The following HSD17B12 variants were observed in gnomAD, a reference collection of about 807,000 sequenced individuals.
HSD17B12 encodes very-long-chain 3-oxoacyl-CoA reductase.
Under a neutral mutation model 39.3 loss-of-function variants are expected in HSD17B12, and 32 were observed. The ratio of observed to expected loss-of-function variants is 0.81; its 90% confidence interval spans 0.61 to 1.09. HSD17B12 has a LOEUF of 1.09. Among genes scored for constraint, HSD17B12 ranks in the 50% least tolerant of loss-of-function variants. The pLI is 0.00. For synonymous variants in HSD17B12, 150 were observed against 146.7 expected (o/e 1.02, Z -0.16); for missense variants, 342 against 382.9 (o/e 0.89, Z 0.89).
At chr11:43,640,096 G>T in the HSD17B12 span, among the ~76,000 whole-genome samples, 1 of 152,062 alleles carries the variant, frequency 6.6e-6, no homozygotes, top group Non-Finnish European at 1.5e-5. Flanking sequence ...AAATGCTGGG[G>T]AGAAGAATGT....
At chr11:43,673,743 G>A in the HSD17B12 span, among the ~76,000 whole-genome samples, 124 of 151,854 alleles carry the variant, frequency 8.2e-4, no homozygotes, top group Admixed American at 1.4e-3. Flanking sequence ...GGCTGATTTC[G>A]AACTCCTGAG....
rs568752188 is a variant in HSD17B12, at chr11:43,740,227, G to A, written c.161-10684G>A. On this transcript the variant is annotated intron_variant, in intron 1 of 10. Coordinates refer to ENST00000278353, the MANE Select transcript of HSD17B12 (RefSeq NM_016142.3). Reference sequence around the variant, plus strand: ...TAGCATGAATTGAGTGAGGAGGGATGAAAGATTCCTCGTACAAGTCCTTGT... The same window carrying A: ...TAGCATGAATTGAGTGAGGAGGGATAAAAGATTCCTCGTACAAGTCCTTGT... 5.3e-5 allele frequency among the ~76,000 whole-genome samples: 8 copies of A among 152,294 alleles called. No homozygotes were observed. The South Asian group carries it at 1.7e-3, about 32-fold the overall frequency.
intron 1 of HSD17B12, among the ~76,000 whole-genome samples, chr11:43,746,921 A>G (rs531201420): frequency 1.3e-5 from 2 of 152,324 alleles, no homozygotes; most frequent in South Asian, 4.1e-4. Flanking sequence ...AAACATTGTT[A>G]TGCAGCTGCT....
intron 9 of HSD17B12, 152 bp from the exon 10 acceptor site, chr11:43,854,563 G>C (rs1951563086): frequency 2.8e-6 from 2 of 725,382 alleles, no homozygotes; most frequent in Non-Finnish European, 4.6e-6. Flanking sequence ...GTTCTATCAA[G>C]TTGGCTTTAG....
intron 1 of HSD17B12, among the ~76,000 whole-genome samples, chr11:43,730,343 A>G (rs1195134108): frequency 1.3e-5 from 2 of 152,190 alleles, no homozygotes; most frequent in African/African-American, 4.8e-5. Context: ...ATTTATCTGG[A>G]AGTGAATTTC....
At chr11:43,706,500 A>G (rs1950016299) in intron 1 of HSD17B12, among the ~76,000 whole-genome samples, 6 of 152,200 alleles carry the variant, frequency 3.9e-5, no homozygotes, top group Admixed American at 3.9e-4. Context: ...CCAAGATCAC[A>G]TCACTGCACT....
chr11:43,716,603 CTA>C (rs572187541), intron 1 of HSD17B12, among the ~76,000 whole-genome samples: 76 of 151,678 alleles, frequency 5.0e-4, no homozygotes, highest in Admixed American at 1.4e-3. Flanking sequence ...ATGTAGATTT[CTA>C]TGTTAGGAAT....
intron 3 of HSD17B12, 37 bp from the exon 4 acceptor site, chr11:43,798,283 C>A: frequency 8.0e-7 from 1 of 1,246,516 alleles, no homozygotes; most frequent in Non-Finnish European, 1.2e-6. Context: ...TACTAATTTT[C>A]CCTGTCTCTC....
chr11:43,706,724 T>TGTGGG (rs1204580097), intron 1 of HSD17B12, among the ~76,000 whole-genome samples: 1 of 80,304 alleles, frequency 1.2e-5, no homozygotes, highest in Admixed American at 1.1e-4. Context: ...GTGTGTGTTG[T>TGTGGG]GGGGGGTGGG....
At position 43,791,253 on chromosome 11, in the gene HSD17B12, C is replaced by T. The variant is rs540949843; in HGVS notation, c.284-7067C>T. Among the ~76,000 whole-genome samples, 3 of 152,090 alleles carry T rather than the reference C, an allele frequency of 2.0e-5. No individual in the cohort carries two copies. The South Asian group carries it at 6.2e-4, about 32-fold the overall frequency. On this transcript the variant is annotated intron_variant, in intron 3 of 10. Coordinates refer to ENST00000278353, the MANE Select transcript of HSD17B12 (RefSeq NM_016142.3). ...TAATCTTAAGAATGATGTTTTGGGC[C>T]GGGAGCAGTGGCTCATGCCTGTAAT... is the stretch of plus-strand genomic sequence containing the variant.
At chr11:43,756,694 C>T (rs191431051) in intron 3 of HSD17B12, among the ~76,000 whole-genome samples, 13 of 152,218 alleles carry the variant, frequency 8.5e-5, no homozygotes, top group South Asian at 2.1e-4. Flanking sequence ...ATGAATCTAC[C>T]GTCTACTCGA....
chr11:43,682,532 C>T (rs1228675579), intron 1 of HSD17B12, among the ~76,000 whole-genome samples: 3 of 114,128 alleles, frequency 2.6e-5, no homozygotes, highest in South Asian at 3.1e-4. Flanking sequence ...GGTGACAGAG[C>T]GAGACTCATC....
At chr11:43,791,531 C>CAAA (rs1255094996) in intron 3 of HSD17B12, among the ~76,000 whole-genome samples, 1 of 131,606 alleles carries the variant, frequency 7.6e-6, no homozygotes, top group African/African-American at 2.8e-5. Context: ...GACTCTGTCT[C>CAAA]AAAAAAAAAA....
At chr11:43,729,774 T>C (rs528680305) in intron 1 of HSD17B12, among the ~76,000 whole-genome samples, 1 of 152,322 alleles carries the variant, frequency 6.6e-6, no homozygotes, top group African/African-American at 2.4e-5. Flanking sequence ...CTTCAAATGA[T>C]AAACAGAAAG....
At chr11:43,744,069 G>A (rs944351047) in intron 1 of HSD17B12, among the ~76,000 whole-genome samples, 2 of 152,054 alleles carry the variant, frequency 1.3e-5, no homozygotes, top group African/African-American at 4.8e-5. Context: ...TAGATGGTTT[G>A]GAAGATAAAG....
intron 1 of HSD17B12, among the ~76,000 whole-genome samples, chr11:43,741,593 T>C (rs1442372845): frequency 6.6e-6 from 1 of 152,148 alleles, no homozygotes; most frequent in East Asian, 1.9e-4. Flanking sequence ...TGTTATACTT[T>C]GGTTTACCTT....
chr11:43,620,148 C>G, the HSD17B12 span, among the ~76,000 whole-genome samples: 1 of 152,216 alleles, frequency 6.6e-6, no homozygotes, highest in African/African-American at 2.4e-5. Context: ...AAGAGCAGGC[C>G]TCTCAATGTC....
At chr11:43,803,730 A>G (rs1817113526) in intron 4 of HSD17B12, among the ~76,000 whole-genome samples, 1 of 152,214 alleles carries the variant, frequency 6.6e-6, no homozygotes, top group African/African-American at 2.4e-5. Flanking sequence ...CCATAACTTG[A>G]TGAGACTATA....
chr11:43,758,711 G>C (rs1950532282), intron 3 of HSD17B12, among the ~76,000 whole-genome samples: 1 of 152,134 alleles, frequency 6.6e-6, no homozygotes, highest in Non-Finnish European at 1.5e-5. Context: ...TTCAGAAGAA[G>C]CCACAGCTTA....
Sources: gnomAD v4.1 joint callset for allele counts (sites outside exome capture counted in the v4.1 genomes callset) on GRCh38, gnomAD v4.1.1 for gene constraint, MANE v1.5 for transcripts, NCBI Gene and HGNC (gene_info 2026-07-23, HGNC 2026-07-21) for gene names.